Variants in MAST1 observed in about 807,000 individuals in gnomAD.
MAST1 encodes the protein microtubule associated serine/threonine kinase 1, also known as microtubule-associated serine/threonine-protein kinase 1.
In MAST1, 40 loss-of-function variants were observed where a neutral mutation model predicts 124.6. The ratio of observed to expected loss-of-function variants is 0.32; its 90% CI spans 0.25 to 0.42. The LOEUF is 0.42. Ranked by LOEUF, MAST1 falls within the 10% of genes least tolerant of loss-of-function variation. The pLI, the probability that MAST1 is intolerant of heterozygous loss-of-function variation, is 1.00. For synonymous variants in MAST1, 938 were observed against 939.4 expected (o/e 1.00, Z 0.03); for missense variants, 1,558 against 2,181.9 (o/e 0.71, Z 5.70).
rs980382886 is a variant in MAST1, at chr19:12,866,504, G to C, written c.2030-149G>C. 3.2e-6 allele frequency: 2 copies of C among 623,450 alleles called. No homozygotes were observed. Among genetic ancestry groups the C allele is most frequent in the Non-Finnish European group, 5.7e-6 (2 of 349,418 alleles). 38.6% of individuals were successfully genotyped at this position (623,450 alleles called of 1,614,324 possible). A position where few individuals can be genotyped will look rare whatever the true frequency, so the allele number is the denominator to read the frequency against. On this transcript the variant is annotated intron_variant, in intron 17 of 25. Coordinates refer to ENST00000251472, the MANE Select transcript of MAST1 (RefSeq NM_014975.3). This position sits in a 1 kb window ranked among gnomAD's most constrained non-coding sequence, Gnocchi z 5.2. ...TGGGGCAAGGACCTTGCCTGGGAGC[G>C]GAGCCTAAATTAAATACACTAATGA...
At chr19:12,869,791 G>A (rs1482151890) in intron 22 of MAST1, among the ~76,000 whole-genome samples, 4 of 151,336 alleles carry the variant, frequency 2.6e-5, no homozygotes, top group African/African-American at 4.8e-5. Context: ...AGTGGCTCAG[G>A]CCTGTAATCC....
At chr19:12,853,169 C>T (rs1005043471) in intron 10 of MAST1, among the ~76,000 whole-genome samples, 1 of 151,280 alleles carries the variant, frequency 6.6e-6, no homozygotes, top group African/African-American at 2.4e-5. Flanking sequence ...TAAAATTTCT[C>T]CATGTTGGTC....
At chr19:12,869,612 A>G (rs2145911651) in intron 22 of MAST1, among the ~76,000 whole-genome samples, 1 of 151,926 alleles carries the variant, frequency 6.6e-6, no homozygotes, top group East Asian at 2.0e-4. Context: ...TAATTTTTGT[A>G]TTTTTAGTAG....
chr19:12,840,673 G>A, intron 2 of MAST1, 139 bp downstream of exon 2: 1 of 684,544 alleles, frequency 1.5e-6, no homozygotes, highest in South Asian at 1.7e-5. Context: ...GCGGGGCCAT[G>A]CTTGTGTGGG....
chr19:12,869,594 C>T (rs929497789), intron 22 of MAST1, among the ~76,000 whole-genome samples: 3 of 152,012 alleles, frequency 2.0e-5, no homozygotes, highest in Non-Finnish European at 2.9e-5. Context: ...CGCGCCACCA[C>T]GCCCAGCTAA....
rs1488902796 is a variant in MAST1, at chr19:12,838,686, G to A, written c.83+31G>A. Reference sequence around the variant, plus strand: ...CCCCCGATCCCCTAGACATTGTCCCGGCCCTCCCCGCAAAAGCCGCCGCTC... The same window carrying A: ...CCCCCGATCCCCTAGACATTGTCCCAGCCCTCCCCGCAAAAGCCGCCGCTC... On this transcript the variant is annotated intron_variant, in intron 1 of 25. Transcript: ENST00000251472. This position sits in a 1 kb window ranked among gnomAD's most constrained non-coding sequence, Gnocchi z 4.3. The A allele has an allele frequency of 1.3e-6, 2 of 1,594,972 alleles. No individual in the cohort carries two copies. The highest frequency in any genetic ancestry group is 8.6e-7 in the Non-Finnish European group (1 of 1,168,734).
In MAST1 at chr19:12,867,854, G is replaced by A; in HGVS notation, c.2443G>A (p.Asp815Asn). ...CTTCAGCGCCCCCCAAGAGGACGAG[G>A]ATGAGGCCCGGCTGCGCAGGCCTCC... ...SRFSAPQEDE[D>N]EARLRRPPRP... The change falls in exon 20 of 26, where the codon GAT becomes AAT. Residue 815 changes from aspartate (D) to asparagine (N), a missense_variant. Transcript: ENST00000251472. The A allele has an allele frequency of 6.2e-7, 1 of 1,606,820 alleles. No homozygotes were observed. The highest frequency in any genetic ancestry group is 8.5e-7 in the Non-Finnish European group (1 of 1,177,310).
chr19:12,852,047 G>A lies in MAST1; in HGVS notation c.876+12G>A. The A allele has an allele frequency of 6.2e-7, 1 of 1,614,008 alleles. No individual in the cohort carries two copies. On this transcript the variant is annotated intron_variant, in intron 8 of 25. Transcript: ENST00000251472. ...TGCTGGAGTGCCTGGTGAGGGGGCT[G>A]GGCATGGGTAGGGGTGGGTTGGTAG...
chr19:12,856,842 G>A (rs1970023174), intron 10 of MAST1, among the ~76,000 whole-genome samples: 2 of 152,096 alleles, frequency 1.3e-5, no homozygotes, highest in South Asian at 4.1e-4. Flanking sequence ...TTTTTCACAT[G>A]TGCAAGTATA....
In MAST1 at chr19:12,874,634, G is replaced by A. The variant is rs200872753; in HGVS notation, c.4477G>A (p.Gly1493Ser). The A allele has an allele frequency of 1.6e-4, 244 of 1,520,352 alleles. No homozygotes were observed. The highest frequency in any genetic ancestry group is 2.1e-4 in the Non-Finnish European group (237 of 1,132,942). The allele number at this position is 1,520,352 out of a possible 1,614,324, so 94.2% of individuals were successfully genotyped here. The part of the protein sequence containing the change: ...EVVEERTTLS[G>S]PRSKPASPKL... ...GGTGGAGGAGCGCACCACGCTGAGCGGTCCTCGCTCCAAGCCCGCCTCCCC... is the reference window on the plus strand; with the variant it reads ...GGTGGAGGAGCGCACCACGCTGAGCAGTCCTCGCTCCAAGCCCGCCTCCCC... Residue 1493 changes from glycine to serine, a missense_variant, in exon 26 of 26, where the codon GGT becomes AGT. Around this residue, in one of 10 missense-constraint regions of MAST1, gnomAD observed 168 missense variants for 154.3 expected, o/e 1.09. Coordinates refer to ENST00000251472, the MANE Select transcript of MAST1 (RefSeq NM_014975.3). This position sits in a 1 kb window ranked among gnomAD's most constrained non-coding sequence, Gnocchi z 6.6.
At chr19:12,864,777 C>A (rs1970129869) in intron 12 of MAST1, 32 bp from the exon 13 acceptor site, 1 of 1,612,236 alleles carries the variant, frequency 6.2e-7, no homozygotes, top group Non-Finnish European at 8.5e-7. Context: ...GAATGCCTCC[C>A]TTTTTATGCG....
At position 12,847,625 on chromosome 19, in the gene MAST1, C is replaced by G; in HGVS notation, c.502C>G (p.Pro168Ala). Reference protein sequence around the residue: ...RSRSLSPGRSPSSYDNEIVMM... With the variant: ...RSRSLSPGRSASSYDNEIVMM... ...CTCTCCCCGCAGCCCCGGGCGCTCC[C>G]CCTCCTCCTACGACAACGAGATCGT... Residue 168 changes from proline to alanine, a missense_variant, in exon 6 of 26, where the codon CCC (proline) becomes GCC (alanine). Physicochemically the swap from Pro to Ala is conservative, Grantham distance 27 (BLOSUM62 -1). Transcript: ENST00000251472. This position sits in a 1 kb window ranked among gnomAD's most constrained non-coding sequence, Gnocchi z 5.5. The G allele has an allele frequency of 6.2e-7, 1 of 1,614,166 alleles. No individual in the cohort carries two copies. Among genetic ancestry groups the G allele is most frequent in the Non-Finnish European group, 8.5e-7 (1 of 1,180,018 alleles).
At position 12,873,870 on chromosome 19, in the gene MAST1, A is replaced by G; in HGVS notation, c.3713A>G (p.Lys1238Arg). The part of the protein sequence containing the change: ...SSHTTQSFPA[K>R]LHSSPPVVRP... Reference sequence around the variant, plus strand: ...CACACTACTCAGAGCTTCCCGGCCAAACTGCACTCATCGCCTCCCGTCGTG... The same window carrying G: ...CACACTACTCAGAGCTTCCCGGCCAGACTGCACTCATCGCCTCCCGTCGTG... The change falls in exon 26 of 26, where the codon AAA (lysine) becomes AGA (arginine). Residue 1238 changes from lysine to arginine, a missense_variant. Lys to Arg is a conservative substitution (Grantham distance 26). This residue lies in a region of MAST1 where 291 missense variants were observed against 475.8 expected (regional missense o/e 0.61). Transcript: ENST00000251472. 1.3e-6 allele frequency: 2 copies of G among 1,583,724 alleles called. No homozygotes were observed. Among genetic ancestry groups the G allele is most frequent in the Non-Finnish European group, 1.7e-6 (2 of 1,172,618 alleles).
rs1359010285 is a variant in MAST1 at position 12,847,863 on chromosome 19, G to C, written c.580G>C (p.Glu194Gln). Residue 194 changes from glutamate (E) to glutamine (Q), a missense_variant, in exon 7 of 26, where the codon GAG (glutamate) becomes CAG (glutamine). Glu to Gln is a conservative substitution (Grantham distance 29). Transcript: ENST00000251472. The surrounding 1 kb of genome is among the most constrained non-coding windows in gnomAD (Gnocchi z 5.5). ...CCTCCCGCAGGCCACTGCGCAGATGGAGGAGAAGCTGCGCGACTTTACCCG... is the reference window on the plus strand; with the variant it reads ...CCTCCCGCAGGCCACTGCGCAGATGCAGGAGAAGCTGCGCGACTTTACCCG... Reference protein sequence around the residue: ...ERFPKATAQMEEKLRDFTRAY... With the variant: ...ERFPKATAQMQEKLRDFTRAY... The C allele has an allele frequency of 6.2e-7, 1 of 1,611,102 alleles. No homozygotes were observed. The highest frequency in any genetic ancestry group is 1.1e-5 in the South Asian group (1 of 90,606).
intron 7 of MAST1, chr19:12,848,459 A>AAC (rs141864314): frequency 0.12 from 21,197 of 181,948 alleles, 1,520 homozygotes; most frequent in Admixed American, 0.18. Flanking sequence ...CTCTACTAAA[A>AAC]ACACACACAC....
Position 12,858,513 on chromosome 19 carries a change from CG to C in MAST1, c.1158-17del. ...TGTCTCGGAGGTGACGGCCGGTCCTCGCTCTCTCCCCCTGCAGCGCTGTCTA... is the reference window on the plus strand; with the variant it reads ...TGTCTCGGAGGTGACGGCCGGTCCTCCTCTCTCCCCCTGCAGCGCTGTCTA... On this transcript the variant is annotated splice_polypyrimidine_tract_variant and intron_variant, in intron 11 of 25. Coordinates refer to ENST00000251472, the MANE Select transcript of MAST1 (RefSeq NM_014975.3). The C allele has an allele frequency of 1.2e-6, 2 of 1,612,918 alleles. No homozygotes were observed. Among genetic ancestry groups the C allele is most frequent in the Non-Finnish European group, 1.7e-6 (2 of 1,179,048 alleles).
intron 10 of MAST1, 150 bp from the exon 11 acceptor site, chr19:12,858,212 G>A: frequency 2.8e-6 from 2 of 703,884 alleles, no homozygotes; most frequent in South Asian, 3.6e-5. Flanking sequence ...GTCAGTCTTG[G>A]GTTCAAGTCC....
At chr19:12,852,471 C>T (rs2077544) in intron 10 of MAST1, 76 bp downstream of exon 10, 334,183 of 1,391,302 alleles carry the variant, frequency 0.24, 47,041 homozygotes, top group East Asian at 0.63. Context: ...GGCTTCTTTG[C>T]CCTCAGGCTT....
chr19:12,841,079 C>A lies in MAST1; in HGVS notation c.248+13C>A. The A allele has an allele frequency of 7.1e-7, 1 of 1,404,096 alleles. No individual in the cohort carries two copies. Among genetic ancestry groups the A allele is most frequent in the Non-Finnish European group, 1.0e-6 (1 of 988,806 alleles). The allele number at this position is 1,404,096 out of a possible 1,614,324, so 87.0% of individuals were successfully genotyped here. A position where few individuals can be genotyped will look rare whatever the true frequency, so the allele number is the denominator to read the frequency against. ...CCTCCTCCCGAAGGTGAGTCCCTCC[C>A]CTCCAGGGCCCCAGAACCCTGGGCA... On this transcript the variant is annotated intron_variant, in intron 3 of 25. Coordinates refer to ENST00000251472, the MANE Select transcript of MAST1 (RefSeq NM_014975.3). This position sits in a 1 kb window ranked among gnomAD's most constrained non-coding sequence, Gnocchi z 4.3.
Sources: gnomAD v4.1 joint callset for allele counts (sites outside exome capture counted in the v4.1 genomes callset) on GRCh38, gnomAD v4.1.1 for gene constraint, gnomAD v4.1.1 regional missense constraint, Gnocchi (gnomAD v3.1) non-coding constraint, MANE v1.5 for transcripts, NCBI Gene and HGNC (gene_info 2026-07-23, HGNC 2026-07-21) for gene names.